The following NRL variants were observed in gnomAD, a reference collection of about 807,000 sequenced individuals.
NRL encodes the protein neural retina-specific leucine zipper protein.
A neutral mutation model predicts 12.5 loss-of-function variants in NRL; 16 were observed. That is an observed-to-expected ratio of 1.28 (90% confidence interval 0.87 to 1.95). NRL has a LOEUF of 1.95. Ranked by LOEUF, NRL falls within the 30% of genes most tolerant of loss-of-function variation. NRL has a pLI of 0.00. For missense variants in NRL, 314 were observed against 325.8 expected (o/e 0.96, Z 0.28); for synonymous variants, 142 against 150.9 (o/e 0.94, Z 0.43).
chr14:24,110,280 T>C (rs770853375), intron 1 of NRL: 9 of 325,224 alleles, frequency 2.8e-5, no homozygotes, highest in Non-Finnish European at 3.9e-5. Flanking sequence ...ATTTTGTTTT[T>C]GTATTTTTCG....
intron 1 of NRL, among the ~76,000 whole-genome samples, chr14:24,101,124 C>A (rs1013296388): frequency 6.6e-6 from 1 of 152,176 alleles, no homozygotes; most frequent in Non-Finnish European, 1.5e-5. Context: ...ATTAAGCCCC[C>A]CTCAGCCTTC....
chr14:24,090,380 G>A lies in NRL; in HGVS notation c.-27-7505C>T, dbSNP rs897905698. 5.9e-5 allele frequency among the ~76,000 whole-genome samples: 9 copies of A among 152,140 alleles called. 2 individuals are homozygous for A. The highest frequency in any genetic ancestry group is 1.3e-4 in the Admixed American group (2 of 15,284). On this transcript the variant is annotated intron_variant, in intron 1 of 2. Transcript: ENST00000561028. ...ATCAGCTGAGCCTAAAGAGCTCTGG[G>A]GCTGGGATGGACCTTCAGAGTTGTC...
At chr14:24,104,973 A>C (rs534242710) in intron 1 of NRL, among the ~76,000 whole-genome samples, 13 of 152,382 alleles carry the variant, frequency 8.5e-5, no homozygotes, top group African/African-American at 2.9e-4. Context: ...AGGAATTAAA[A>C]ACACGCACAC....
intron 1 of NRL, among the ~76,000 whole-genome samples, chr14:24,096,373 G>A (rs541985694): frequency 3.0e-3 from 459 of 151,406 alleles, no homozygotes; most frequent in Non-Finnish European, 4.0e-3. Context: ...TGAGTAGCTG[G>A]GACTAGAGGC....
At chr14:24,101,914 A>AT (rs2037177264) in intron 1 of NRL, among the ~76,000 whole-genome samples, 1 of 152,126 alleles carries the variant, frequency 6.6e-6, no homozygotes, top group South Asian at 2.1e-4. Context: ...ACTCCGTCTC[A>AT]TAACTAAATT....
intron 1 of NRL, among the ~76,000 whole-genome samples, chr14:24,113,770 G>A (rs905785145): frequency 2.6e-5 from 4 of 152,144 alleles, no homozygotes; most frequent in Non-Finnish European, 5.9e-5. Context: ...CCAAACCCTC[G>A]CCCTCACTGG....
chr14:24,100,565 C>G, intron 1 of NRL: 1 of 1,100,100 alleles, frequency 9.1e-7, no homozygotes. Flanking sequence ...ATAATAAATA[C>G]AGGCTGGATT....
At chr14:24,087,676 T>G (rs2036499621) in intron 1 of NRL, among the ~76,000 whole-genome samples, 1 of 152,230 alleles carries the variant, frequency 6.6e-6, no homozygotes, top group African/African-American at 2.4e-5. Context: ...AAACACCTAT[T>G]CTGCACCACA....
chr14:24,104,714 A>G (rs1466349514), intron 1 of NRL, among the ~76,000 whole-genome samples: 2 of 151,896 alleles, frequency 1.3e-5, no homozygotes, highest in South Asian at 2.1e-4. Context: ...TACAGCCCCC[A>G]AGCCTAAAAT....
chr14:24,084,836 A>C, intron 1 of NRL: 1 of 479,342 alleles, frequency 2.1e-6, no homozygotes, highest in Non-Finnish European at 2.7e-6. Flanking sequence ...AAAGCTCCTC[A>C]CTGATGATCC....
At position 24,094,544 on chromosome 14, in the gene NRL, G is replaced by A. The variant is rs561035624; in HGVS notation, c.-27-11669C>T. ...AGCCTCCGCCAGGTTTCCCATCCTA[G>A]GCGGAGGCGGGCAGGGGCGACTGCT... On this transcript the variant is annotated intron_variant, in intron 1 of 2. Transcript: ENST00000561028. The surrounding 1 kb of genome is among the most constrained non-coding windows in gnomAD (Gnocchi z 4.1). 7,002 of 1,441,250 alleles carry A rather than the reference G, an allele frequency of 4.9e-3. 19 individuals are homozygous for A. The highest frequency in any genetic ancestry group is 5.8e-3 in the Non-Finnish European group (6,346 of 1,102,248). 89.3% of individuals were successfully genotyped at this position (1,441,250 alleles called of 1,614,324 possible).
chr14:24,098,716 C>T, intron 1 of NRL: 2 of 1,553,988 alleles, frequency 1.3e-6, no homozygotes, highest in Middle Eastern at 1.9e-4. Flanking sequence ...ACACAGAGGC[C>T]TTCTTGTACT....
chr14:24,090,284 C>CGGGGGG (rs1198592711), intron 1 of NRL, among the ~76,000 whole-genome samples: 1 of 7,940 alleles, frequency 1.3e-4, no homozygotes, highest in Admixed American at 1.3e-3. Flanking sequence ...GGGGGGGGCA[C>CGGGGGG]GGGGGGGGAC....
rs759306677 is a variant in NRL at position 24,094,043 on chromosome 14, A to C, written c.-27-11168T>G. ...GAGCAAGAGTCCTCAAAGTTACATC[A>C]TGTGCGGCTGGGAGGGCGGTGGCGG... On this transcript the variant is annotated intron_variant, in intron 1 of 2. Transcript: ENST00000561028. The surrounding 1 kb of genome is among the most constrained non-coding windows in gnomAD (Gnocchi z 4.1). 13 of 537,940 alleles carry C rather than the reference A, an allele frequency of 2.4e-5. No homozygotes were observed. The highest frequency in any genetic ancestry group is 3.6e-5 in the Non-Finnish European group (11 of 307,248). 33.3% of individuals were successfully genotyped at this position (537,940 alleles called of 1,614,324 possible).
chr14:24,098,593 A>G, intron 1 of NRL: 1 of 1,614,060 alleles, frequency 6.2e-7, no homozygotes, highest in East Asian at 2.2e-5. Context: ...TTATGACCCG[A>G]CTGGGGACAC....
chr14:24,084,033 C>T (rs1566562022), intron 1 of NRL, among the ~76,000 whole-genome samples: 1 of 152,186 alleles, frequency 6.6e-6, no homozygotes, highest in South Asian at 2.1e-4. Flanking sequence ...AGAAGGTGCG[C>T]GGCATGGAGT....
At chr14:24,095,819 A>T (rs2036848153) in intron 1 of NRL, among the ~76,000 whole-genome samples, 1 of 152,206 alleles carries the variant, frequency 6.6e-6, no homozygotes, top group Non-Finnish European at 1.5e-5. Flanking sequence ...CCTCCTGAGA[A>T]TTAAGCCCAT....
chr14:24,103,147 AT>A, intron 1 of NRL: 1 of 1,602,910 alleles, frequency 6.2e-7, no homozygotes, highest in East Asian at 2.2e-5. Context: ...GACTCTGTTC[AT>A]TGGTGATCTA....
chr14:24,095,166 A>G (rs937826415), intron 1 of NRL: 28 of 455,868 alleles, frequency 6.1e-5, no homozygotes, highest in Non-Finnish European at 1.2e-4. Context: ...GTCGGAAGTG[A>G]CCCACATCTG....
Sources: allele counts gnomAD v4.1 joint callset (sites outside exome capture counted in the v4.1 genomes callset), GRCh38; gene constraint gnomAD v4.1.1; non-coding constraint Gnocchi (gnomAD v3.1); transcripts MANE v1.5; gene names NCBI Gene and HGNC (gene_info 2026-07-23, HGNC 2026-07-21).